Variants in FAM114A2 observed in about 807,000 individuals in gnomAD.
FAM114A2 encodes the protein protein FAM114A2.
FAM114A2 carries 53 observed loss-of-function variants against 58.4 expected under a neutral mutation model. That is an observed-to-expected ratio of 0.91 (90% CI 0.73 to 1.14). The LOEUF (loss-of-function observed/expected upper bound fraction) is 1.14, where lower values mean the gene tolerates loss of function less well. FAM114A2 is among the 50% of genes most tolerant of loss of function. The pLI is 0.00. For synonymous variants in FAM114A2, 228 were observed against 211.4 expected (o/e 1.08, Z -0.68); for missense variants, 601 against 581.1 (o/e 1.03, Z -0.35).
At chr5:153,993,641 T>C (rs1415031065) in intron 13 of FAM114A2, among the ~76,000 whole-genome samples, 1 of 152,148 alleles carries the variant, frequency 6.6e-6, no homozygotes, top group Non-Finnish European at 1.5e-5. Flanking sequence ...ACAACATTTT[T>C]CAGAAGTGTT....
intron 8 of FAM114A2, among the ~76,000 whole-genome samples, chr5:154,018,687 C>T (rs1771207999): frequency 6.6e-6 from 1 of 152,152 alleles, no homozygotes. Context: ...AATCCAACAA[C>T]ATATCAAAAA....
Position 154,034,852 on chromosome 5 carries a change from G to A in FAM114A2, c.102C>T (p.Asp34=). 1 of 1,613,954 alleles carries A rather than the reference G, an allele frequency of 6.2e-7. No homozygotes were observed. The highest frequency in any genetic ancestry group is 8.5e-7 in the Non-Finnish European group (1 of 1,179,858). ...ATTTACTCTCTGGTTTGGCACCTTG[G>A]TCAACAGACTCAGAATTCTTGGCTG... is the stretch of plus-strand genomic sequence containing the variant. ...CEPAKNSESV[D]QGAKPESKSE... is the part of the protein sequence containing the mutation. The change falls in exon 2 of 14, where the codon GAC becomes GAT. Residue 34 remains aspartate (D), a synonymous_variant. Coordinates refer to ENST00000351797, the MANE Select transcript of FAM114A2 (RefSeq NM_018691.4).
chr5:154,009,625 C>CA (rs1013680287), intron 9 of FAM114A2, among the ~76,000 whole-genome samples: 1 of 152,164 alleles, frequency 6.6e-6, no homozygotes, highest in African/African-American at 2.4e-5. Context: ...CAAAATCAGA[C>CA]AACACATCAC....
chr5:154,024,198 G>A (rs1771627931), intron 8 of FAM114A2, among the ~76,000 whole-genome samples: 1 of 152,146 alleles, frequency 6.6e-6, no homozygotes, highest in South Asian at 2.1e-4. Context: ...ATTTAATCTG[G>A]TAATTCTCAA....
chr5:154,019,620 T>A (rs1771270127), intron 8 of FAM114A2, among the ~76,000 whole-genome samples: 1 of 152,168 alleles, frequency 6.6e-6, no homozygotes, highest in African/African-American at 2.4e-5. Flanking sequence ...TCACATTACC[T>A]GATTTCAAAC....
chr5:154,036,086 G>A (rs1204857850), intron 1 of FAM114A2, among the ~76,000 whole-genome samples: 1 of 151,704 alleles, frequency 6.6e-6, no homozygotes, highest in African/African-American at 2.4e-5. Flanking sequence ...TATAATATGT[G>A]GTTTGCAAAT....
At chr5:153,995,198 T>C in intron 12 of FAM114A2, 1 of 417,158 alleles carries the variant, frequency 2.4e-6, no homozygotes, top group Non-Finnish European at 4.3e-6. Context: ...TGTATTGTTT[T>C]ATACCTTTTT....
intron 9 of FAM114A2, among the ~76,000 whole-genome samples, chr5:154,007,245 G>A (rs552706022): frequency 6.6e-6 from 1 of 152,212 alleles, no homozygotes; most frequent in East Asian, 1.9e-4. Context: ...CCACATTTCA[G>A]TCTGGAACTT....
intron 6 of FAM114A2, 142 bp from the exon 7 acceptor site, chr5:154,027,476 T>C (rs529247484): frequency 4.1e-4 from 231 of 569,276 alleles, no homozygotes; most frequent in Admixed American, 1.3e-3. Flanking sequence ...TCAAATCTGG[T>C]GGGCTCAGGA....
At chr5:154,008,609 A>G (rs1372523362) in intron 9 of FAM114A2, among the ~76,000 whole-genome samples, 1 of 152,122 alleles carries the variant, frequency 6.6e-6, no homozygotes, top group Non-Finnish European at 1.5e-5. Flanking sequence ...TAAGGTATAC[A>G]TGAATATAAA....
intron 5 of FAM114A2, 127 bp downstream of exon 5, chr5:154,029,362 C>G: frequency 1.7e-6 from 1 of 593,328 alleles, no homozygotes; most frequent in Non-Finnish European, 3.0e-6. Context: ...AGTGACCGAT[C>G]TTCAGTGGCT....
intron 12 of FAM114A2, 34 bp downstream of exon 12, chr5:153,997,768 CA>C: frequency 8.1e-7 from 1 of 1,235,780 alleles, no homozygotes; most frequent in Non-Finnish European, 1.2e-6. Flanking sequence ...AGAAACCAGA[CA>C]AACATTATTG....
At chr5:153,997,553 A>G (rs9324761) in intron 12 of FAM114A2, among the ~76,000 whole-genome samples, 128,285 of 152,186 alleles carry the variant, frequency 0.84, 54,242 homozygotes, top group African/African-American at 0.9. Flanking sequence ...TCTATAGAGA[A>G]AGAAAGCAGA....
chr5:154,028,972 T>C (rs1421000875), intron 5 of FAM114A2, among the ~76,000 whole-genome samples: 1 of 152,204 alleles, frequency 6.6e-6, no homozygotes, highest in Admixed American at 6.5e-5. Context: ...CAACACTTGT[T>C]ACATTCTTCT....
intron 1 of FAM114A2, 24 bp from the exon 2 acceptor site, chr5:154,034,991 A>AC: frequency 1.4e-6 from 2 of 1,467,814 alleles, no homozygotes; most frequent in Admixed American, 3.6e-5. Context: ...AGCCCAAAAA[A>AC]AATTTATATA....
At chr5:153,995,144 T>C in intron 12 of FAM114A2, 172 bp from the exon 13 acceptor site, 1 of 564,428 alleles carries the variant, frequency 1.8e-6, no homozygotes. Flanking sequence ...CTAAGTGTTT[T>C]AAACTTCTTT....
chr5:153,995,004 G>C (rs367611526), intron 12 of FAM114A2, 32 bp from the exon 13 acceptor site: 5 of 1,488,076 alleles, frequency 3.4e-6, no homozygotes, highest in African/African-American at 1.4e-5. Context: ...TAAGTGAGCA[G>C]AGTAGGTTAA....
At chr5:154,037,280 A>C (rs922246943) in intron 1 of FAM114A2, 1 of 152,250 alleles carries the variant, frequency 6.6e-6, no homozygotes, top group African/African-American at 2.4e-5. Context: ...AGACAACACT[A>C]TGGAGTTCAG....
At chr5:154,003,667 T>TC (rs1770160160) in intron 9 of FAM114A2, among the ~76,000 whole-genome samples, 1 of 152,088 alleles carries the variant, frequency 6.6e-6, no homozygotes, top group African/African-American at 2.4e-5. Context: ...CATGTCCCCC[T>TC]CCTCCTGCCC....
Sources: gnomAD v4.1 joint callset for allele counts (sites outside exome capture counted in the v4.1 genomes callset) on GRCh38, gnomAD v4.1.1 for gene constraint, MANE v1.5 for transcripts, NCBI Gene and HGNC (gene_info 2026-07-23, HGNC 2026-07-21) for gene names.